DLG2: variants seen among roughly 807,000 people sequenced by gnomAD.
DLG2 encodes the protein discs large MAGUK scaffold protein 2.
Under a neutral mutation model 132.5 loss-of-function variants are expected in DLG2, and 45 were observed. The ratio of observed to expected loss-of-function variants is 0.34; its 90% CI spans 0.27 to 0.44. The LOEUF is 0.44. Ranked by LOEUF, DLG2 falls within the 20% of genes least tolerant of loss-of-function variation. The pLI is 1.00. For missense variants in DLG2, 1,045 were observed against 1,196.9 expected (o/e 0.87, Z 1.87); for synonymous variants, 424 against 419.6 (o/e 1.01, Z -0.13).
chr11:84,797,129 G>A (rs954471060), intron 6 of DLG2, among the ~76,000 whole-genome samples: 3 of 152,126 alleles, frequency 2.0e-5, no homozygotes, highest in Admixed American at 2.0e-4. Flanking sequence ...TTACAGGCGT[G>A]AGCCACCATG....
chr11:85,467,188 A>G (rs1247490441), intron 3 of DLG2, among the ~76,000 whole-genome samples: 1 of 152,204 alleles, frequency 6.6e-6, no homozygotes. Flanking sequence ...GAAGTTGCCT[A>G]TCAGCTTAAG....
chr11:84,441,845 G>A (rs2099018060), intron 7 of DLG2, among the ~76,000 whole-genome samples: 1 of 152,186 alleles, frequency 6.6e-6, no homozygotes, highest in African/African-American at 2.4e-5. Context: ...TGGCTAGCCA[G>A]TTTTCCCAAC....
At chr11:85,283,385 G>T (rs1398740250) in intron 4 of DLG2, among the ~76,000 whole-genome samples, 1 of 149,704 alleles carries the variant, frequency 6.7e-6, no homozygotes, top group East Asian at 2.0e-4. Flanking sequence ...AAAGAAGAAA[G>T]AATTTTTTAA....
At chr11:85,055,932 T>C (rs1293355002) in intron 6 of DLG2, among the ~76,000 whole-genome samples, 4 of 152,186 alleles carry the variant, frequency 2.6e-5, no homozygotes, top group Non-Finnish European at 4.4e-5. Flanking sequence ...ACATTGTGCT[T>C]GATCCAGCCC....
At chr11:84,356,367 T>C (rs1244497688) in intron 7 of DLG2, among the ~76,000 whole-genome samples, 1 of 152,142 alleles carries the variant, frequency 6.6e-6, no homozygotes, top group Non-Finnish European at 1.5e-5. Context: ...GAAGCTTATA[T>C]GCTAGCAAGA....
At chr11:83,581,616 CT>C (rs1436327884) in intron 19 of DLG2, among the ~76,000 whole-genome samples, 1 of 152,106 alleles carries the variant, frequency 6.6e-6, no homozygotes, top group Non-Finnish European at 1.5e-5. Context: ...TACAGAGGAA[CT>C]TTTTGTTTTT....
chr11:83,856,894 T>C (rs1443905028), intron 16 of DLG2, among the ~76,000 whole-genome samples: 1 of 152,232 alleles, frequency 6.6e-6, no homozygotes, highest in African/African-American at 2.4e-5. Context: ...CATGAAATCT[T>C]TGCCTGTGCC....
rs930134771 is a variant in DLG2 at position 84,393,279 on chromosome 11, A to G, written c.519+141291T>C. ...GTATCATTTATTTATATATAAACTT[A>G]TCTTTTGGAAACATTCTTATTAGAA... On this transcript the variant is annotated intron_variant, in intron 7 of 27. Coordinates refer to ENST00000376104, the MANE Select transcript of DLG2 (RefSeq NM_001142699.3). Among the ~76,000 whole-genome samples the G allele has an allele frequency of 2.6e-5, 4 of 152,250 alleles. No individual in the cohort carries two copies. In the South Asian group the frequency reaches 8.3e-4, roughly 32 times the overall value.
chr11:85,105,535 A>G (rs1016955721), intron 6 of DLG2, among the ~76,000 whole-genome samples: 2 of 151,940 alleles, frequency 1.3e-5, no homozygotes, highest in Non-Finnish European at 2.9e-5. Flanking sequence ...CTTTTCTGAG[A>G]TAATTTCCCC....
chr11:84,059,380 T>C lies in DLG2; in HGVS notation c.854A>G (p.Tyr285Cys), dbSNP rs1566272416. The C allele has an allele frequency of 1.2e-6, 2 of 1,613,562 alleles. No individual in the cohort carries two copies. Among genetic ancestry groups the C allele is most frequent in the African/African-American group, 2.7e-5 (2 of 74,872 alleles). Residue 285 changes from tyrosine to cysteine, a missense_variant, in exon 11 of 28, where the codon TAT (tyrosine) becomes TGT (cysteine). Around this residue, in one of 4 missense-constraint regions of DLG2, gnomAD observed 109 missense variants for 159.1 expected, o/e 0.69. Coordinates refer to ENST00000376104, the MANE Select transcript of DLG2 (RefSeq NM_001142699.3). ...LKEAGSIVRLYVRRRRPILET... is the reference protein window; with the variant it reads ...LKEAGSIVRLCVRRRRPILET... ...CAAAATAGGTCGTCTTCTACGCACA[T>C]ACAGCCGAACGATAGACCCTGCTTC...
rs79336790 is a variant in DLG2 at position 85,493,812 on chromosome 11, G to T, written c.40+104845C>A. On this transcript the variant is annotated intron_variant, in intron 3 of 27. Coordinates refer to ENST00000376104, the MANE Select transcript of DLG2 (RefSeq NM_001142699.3). ...GGAGGAAGGAAAGGAGGGAAGGAGG[G>T]AGGAAGGAAGGGAGGGAAGAGAGGG... Among the ~76,000 whole-genome samples the T allele has an allele frequency of 8.1e-3, 1,195 of 146,638 alleles. 7 individuals are homozygous for T. Among genetic ancestry groups the T allele is most frequent in the African/African-American group, 0.027 (1,066 of 39,484 alleles).
rs996617218 is a variant in DLG2, at chr11:84,081,733, G to A, written c.749+17190C>T. ...CAGTCTATCACTGATGGACATTTGG[G>A]TTGCTTCCAAGTCTTTGCTATTGTG... On this transcript the variant is annotated intron_variant, in intron 10 of 27. Transcript: ENST00000376104. 7.9e-5 allele frequency among the ~76,000 whole-genome samples: 12 copies of A among 152,164 alleles called. 1 individual carries two copies. The highest frequency in any genetic ancestry group is 2.9e-4 in the African/African-American group (12 of 41,436).
At position 84,223,441 on chromosome 11, in the gene DLG2, G is replaced by T. The variant is rs148566464; in HGVS notation, c.573+27797C>A. Among the ~76,000 whole-genome samples the T allele has an allele frequency of 4.3e-4, 65 of 152,142 alleles. 1 individual carries two copies. Among genetic ancestry groups the T allele is most frequent in the African/African-American group, 1.4e-3 (57 of 41,496 alleles). On this transcript the variant is annotated intron_variant, in intron 8 of 27. Coordinates refer to ENST00000376104, the MANE Select transcript of DLG2 (RefSeq NM_001142699.3). ...TTACCCTACGTACAATGACCAGAGT[G>T]TCATGTTACTTGGTGGTGGGTCACA...
At chr11:85,532,923 T>C (rs1474426528) in intron 3 of DLG2, among the ~76,000 whole-genome samples, 3 of 152,196 alleles carry the variant, frequency 2.0e-5, no homozygotes, top group Non-Finnish European at 4.4e-5. Context: ...TGCATTTTGT[T>C]AAAGTATACA....
At chr11:84,831,198 G>A (rs927722020) in intron 6 of DLG2, among the ~76,000 whole-genome samples, 4 of 151,460 alleles carry the variant, frequency 2.6e-5, no homozygotes, top group Non-Finnish European at 4.4e-5. Flanking sequence ...GAAGCAGAAA[G>A]GCAATTTAGA....
intron 7 of DLG2, among the ~76,000 whole-genome samples, chr11:84,275,378 G>A (rs1179067400): frequency 1.3e-5 from 2 of 151,642 alleles, no homozygotes; most frequent in African/African-American, 4.8e-5. Context: ...TTCTTGAGAC[G>A]GAGTCTCGCT....
At chr11:84,414,829 C>T (rs927851671) in intron 7 of DLG2, among the ~76,000 whole-genome samples, 1 of 152,102 alleles carries the variant, frequency 6.6e-6, no homozygotes, top group Non-Finnish European at 1.5e-5. Flanking sequence ...TTTTATTATG[C>T]ATAGCAAATA....
At chr11:84,493,657 C>G (rs2099171308) in intron 7 of DLG2, among the ~76,000 whole-genome samples, 1 of 152,046 alleles carries the variant, frequency 6.6e-6, no homozygotes, top group South Asian at 2.1e-4. Flanking sequence ...TCACATAGCT[C>G]TGAGATGGCC....
At chr11:84,835,171 G>A (rs1434442745) in intron 6 of DLG2, among the ~76,000 whole-genome samples, 1 of 151,596 alleles carries the variant, frequency 6.6e-6, no homozygotes, top group East Asian at 1.9e-4. Context: ...GGCTATTTGT[G>A]CTGTATTTAG....
Sources: gnomAD v4.1 joint callset for allele counts (sites outside exome capture counted in the v4.1 genomes callset) on GRCh38, gnomAD v4.1.1 for gene constraint, gnomAD v4.1.1 regional missense constraint, MANE v1.5 for transcripts, NCBI Gene and HGNC (gene_info 2026-07-23, HGNC 2026-07-21) for gene names.